Variants in VWA3B observed in about 807,000 individuals in gnomAD.
VWA3B encodes von Willebrand factor A domain-containing protein 3B.
Under a neutral mutation model 158.3 loss-of-function variants are expected in VWA3B, and 138 were observed. That is an observed-to-expected ratio of 0.87 (90% CI 0.76 to 1.00). The LOEUF is 1.00. VWA3B is among the 50% of genes least tolerant of loss of function. The pLI is 0.00. For synonymous variants in VWA3B, 596 were observed against 587.3 expected, an observed-to-expected ratio of 1.01 and a Z score of -0.21; for missense variants, 1,555 against 1,565.1, an observed-to-expected ratio of 0.99 and a Z score of 0.11.
intron 5 of VWA3B, among the ~76,000 whole-genome samples, chr2:98,122,917 T>G (rs1000630498): frequency 1.1e-4 from 17 of 152,188 alleles, no homozygotes; most frequent in African/African-American, 4.1e-4. Flanking sequence ...CTGAAAGCTT[T>G]TGAGAAGAGA....
chr2:98,296,655 A>G (rs1689817190), intron 23 of VWA3B, among the ~76,000 whole-genome samples: 1 of 152,216 alleles, frequency 6.6e-6, no homozygotes, highest in Admixed American at 6.5e-5. Flanking sequence ...GCTGCAGCAC[A>G]TGCCGTGGAG....
At chr2:98,177,273 T>C (rs957681542) in intron 8 of VWA3B, among the ~76,000 whole-genome samples, 2 of 152,200 alleles carry the variant, frequency 1.3e-5, no homozygotes, top group African/African-American at 2.4e-5. Flanking sequence ...TTCTGTGGCA[T>C]AGATGTGCTC....
intron 12 of VWA3B, chr2:98,207,235 G>T: frequency 3.8e-6 from 2 of 530,036 alleles, no homozygotes; most frequent in Non-Finnish European, 3.8e-6. Flanking sequence ...CTATGTACCT[G>T]CTGATGACTC....
chr2:98,167,796 A>G (rs913704025), intron 8 of VWA3B, among the ~76,000 whole-genome samples: 2 of 152,196 alleles, frequency 1.3e-5, no homozygotes, highest in African/African-American at 4.8e-5. Context: ...ACACAGGACC[A>G]AGAACAGTGC....
At chr2:98,129,206 G>GGGGA (rs1553640724) in intron 6 of VWA3B, among the ~76,000 whole-genome samples, 3,801 of 128,160 alleles carry the variant, frequency 0.03, 131 homozygotes, top group African/African-American at 0.094. Flanking sequence ...GAGAGAGAGA[G>GGGGA]GAGAGAGAGA....
chr2:98,229,870 C>T (rs1219167050), intron 15 of VWA3B, among the ~76,000 whole-genome samples, 180 bp from the exon 16 acceptor site: 2 of 152,176 alleles, frequency 1.3e-5, no homozygotes, highest in Non-Finnish European at 2.9e-5. Context: ...GGGCCCCTCT[C>T]CACTCTTCTG....
chr2:98,273,306 A>T (rs1348807453), intron 22 of VWA3B, among the ~76,000 whole-genome samples: 1 of 151,982 alleles, frequency 6.6e-6, no homozygotes, highest in African/African-American at 2.4e-5. Context: ...GTTCTCTTTC[A>T]TTTTATTCTT....
chr2:98,200,181 CAT>C (rs759769554), intron 12 of VWA3B, among the ~76,000 whole-genome samples: 8 of 152,072 alleles, frequency 5.3e-5, no homozygotes, highest in Non-Finnish European at 1.0e-4. Flanking sequence ...ATATTTTGCC[CAT>C]TTTTTAATTG....
chr2:98,316,646 C>CAAA (rs57574289), downstream of VWA3B, among the ~76,000 whole-genome samples: 1 of 64,240 alleles, frequency 1.6e-5, no homozygotes, highest in Non-Finnish European at 3.3e-5. Context: ...AACTCTGTCT[C>CAAA]AAAAAAAAAA....
intron 8 of VWA3B, among the ~76,000 whole-genome samples, chr2:98,170,108 CAG>C (rs1446901832): frequency 6.6e-6 from 1 of 152,048 alleles, no homozygotes; most frequent in Non-Finnish European, 1.5e-5. Flanking sequence ...GCCTGGGTGA[CAG>C]AGCGAGACTC....
intron 22 of VWA3B, among the ~76,000 whole-genome samples, chr2:98,287,905 A>G (rs997327856): frequency 1.3e-5 from 2 of 152,108 alleles, no homozygotes; most frequent in Non-Finnish European, 1.5e-5. Flanking sequence ...TGTTATATCA[A>G]TTCTATCATT....
intron 12 of VWA3B, among the ~76,000 whole-genome samples, chr2:98,199,543 C>CGACA (rs1558665260): frequency 6.6e-6 from 1 of 152,114 alleles, no homozygotes. Flanking sequence ...GAGGACCAGG[C>CGACA]GACTCTTGCT....
chr2:98,228,108 GTGAA>G, intron 14 of VWA3B, 90 bp from the exon 15 acceptor site: 1 of 1,416,396 alleles, frequency 7.1e-7, no homozygotes, highest in Non-Finnish European at 9.4e-7. Context: ...GGGCAACATA[GTGAA>G]CCTCTTGTCT....
chr2:98,153,694 T>C (rs1490370160), intron 7 of VWA3B, among the ~76,000 whole-genome samples: 1 of 152,228 alleles, frequency 6.6e-6, no homozygotes, highest in Non-Finnish European at 1.5e-5. Flanking sequence ...CGGGAGATTC[T>C]TTCAGAAGTC....
chr2:98,184,952 A>T (rs560115780), intron 9 of VWA3B, among the ~76,000 whole-genome samples: 1 of 152,274 alleles, frequency 6.6e-6, no homozygotes, highest in East Asian at 1.9e-4. Flanking sequence ...TCTTGCTTTC[A>T]TTGGCTCCAA....
Position 98,247,751 on chromosome 2 carries a change from A to G in VWA3B, c.2674-2567A>G, listed in dbSNP as rs527549544. On this transcript the variant is annotated intron_variant, in intron 19 of 27. Transcript: ENST00000477737. ...CTTATGATGATGTGTCTATGTGTGG[A>G]TTTGTTTTTAGTCTTTTGTTGTGGG... Among the ~76,000 whole-genome samples, 668 of 151,866 alleles carry G rather than the reference A, an allele frequency of 4.4e-3. 4 individuals carry two copies. The highest frequency in any genetic ancestry group is 0.01 in the Middle Eastern group (3 of 294).
intron 7 of VWA3B, among the ~76,000 whole-genome samples, chr2:98,137,476 A>T (rs1338150668): frequency 6.6e-6 from 1 of 152,264 alleles, no homozygotes; most frequent in Non-Finnish European, 1.5e-5. Flanking sequence ...ACAAAAATCC[A>T]TGATGATGAA....
chr2:98,290,683 G>A, intron 23 of VWA3B, 61 bp downstream of exon 23: 2 of 1,199,044 alleles, frequency 1.7e-6, no homozygotes, highest in South Asian at 2.8e-5. Flanking sequence ...CTAGGGACAA[G>A]AAGTTTCAAC....
rs1684160136 is a variant in VWA3B at position 98,217,866 on chromosome 2, C to A, written c.1857C>A (p.Asp619Glu). Residue 619 changes from aspartate (D) to glutamate (E), a missense_variant, in exon 14 of 28, where the codon GAC becomes GAA. Physicochemically the swap from Asp to Glu is conservative, Grantham distance 45. Coordinates refer to ENST00000477737, the MANE Select transcript of VWA3B (RefSeq NM_144992.5). The stretch of plus-strand genomic sequence containing the variant: ...TTCAGCCACCTGAAACAGTTATAGA[C>A]CAGGTCAAACGTTTTCAGGAAATTC... The part of the protein sequence containing the change: ...RPDQPPETVI[D>E]QVKRFQEIPI... 1 of 1,607,368 alleles carries A rather than the reference C, an allele frequency of 6.2e-7. No homozygotes were observed. The highest frequency in any genetic ancestry group is 8.5e-7 in the Non-Finnish European group (1 of 1,177,858).
Sources: gnomAD v4.1 joint callset for allele counts (sites outside exome capture counted in the v4.1 genomes callset) on GRCh38, gnomAD v4.1.1 for gene constraint, MANE v1.5 for transcripts, NCBI Gene and HGNC (gene_info 2026-07-23, HGNC 2026-07-21) for gene names.